CLMP: variants seen among roughly 807,000 people sequenced by gnomAD.
CLMP encodes CXADR like cell adhesion molecule, also known as CXADR-like membrane protein.
Under a neutral mutation model 45.2 loss-of-function variants are expected in CLMP, and 27 were observed. The observed-to-expected ratio is 0.60, with a 90% confidence interval of 0.44 to 0.82. The LOEUF (loss-of-function observed/expected upper bound fraction) is 0.82, where lower values mean the gene tolerates loss of function less well. CLMP is among the 40% of genes least tolerant of loss of function. The probability of loss-of-function intolerance (pLI) is 0.00; values close to 1 mark genes in which losing one functional copy is unlikely to be tolerated. For missense variants in CLMP, 403 were observed against 448.4 expected (o/e 0.90, Z 0.91); for synonymous variants, 167 against 171.4 (o/e 0.97, Z 0.20).
intron 1 of CLMP, among the ~76,000 whole-genome samples, chr11:123,169,422 C>T (rs1026376433): frequency 6.6e-6 from 1 of 152,116 alleles, no homozygotes; most frequent in Non-Finnish European, 1.5e-5. Context: ...GCAGAATCAC[C>T]GTGGGCTCCA....
chr11:123,095,918 A>G (rs7121616), intron 2 of CLMP, among the ~76,000 whole-genome samples: 61,544 of 151,998 alleles, frequency 0.4, 14,354 homozygotes, highest in African/African-American at 0.65. Context: ...AAAGACCGCA[A>G]GAACCTGCCT....
chr11:123,137,240 G>T (rs1208646224), intron 1 of CLMP, among the ~76,000 whole-genome samples: 4 of 131,824 alleles, frequency 3.0e-5, no homozygotes, highest in Admixed American at 1.8e-4. Context: ...TGCAAGCTCC[G>T]CCTCCCGGGT....
intron 1 of CLMP, among the ~76,000 whole-genome samples, chr11:123,118,281 C>T (rs909724127): frequency 1.3e-5 from 2 of 152,096 alleles, no homozygotes; most frequent in African/African-American, 4.8e-5. Flanking sequence ...AGGCATGCAC[C>T]ACCATGCCTG....
At chr11:123,108,905 C>G (rs111260380) in intron 1 of CLMP, among the ~76,000 whole-genome samples, 15,568 of 151,702 alleles carry the variant, frequency 0.1, 881 homozygotes, top group East Asian at 0.16. Context: ...ACTAAAAATA[C>G]AAAATTAGCA....
chr11:123,138,385 T>G (rs1344300173), intron 1 of CLMP, among the ~76,000 whole-genome samples: 1 of 152,142 alleles, frequency 6.6e-6, no homozygotes, highest in Admixed American at 6.6e-5. Flanking sequence ...GGTGCTTATG[T>G]GTATGTGTGT....
At chr11:123,119,836 G>A (rs144090539) in intron 1 of CLMP, among the ~76,000 whole-genome samples, 3,425 of 152,058 alleles carry the variant, frequency 0.023, 133 homozygotes, top group African/African-American at 0.077. Context: ...AGAGGCACAC[G>A]CCACCAAGCC....
intron 1 of CLMP, among the ~76,000 whole-genome samples, chr11:123,172,901 GT>G: frequency 6.6e-6 from 1 of 152,314 alleles, no homozygotes; most frequent in South Asian, 2.1e-4. Flanking sequence ...ACTTTTAAAT[GT>G]TTTTTAAAGA....
intron 1 of CLMP, among the ~76,000 whole-genome samples, chr11:123,118,923 C>T (rs1565387568): frequency 1.5e-5 from 2 of 132,128 alleles, no homozygotes; most frequent in African/African-American, 6.1e-5. Flanking sequence ...TTTGCATTTT[C>T]TTTTCTTTTC....
At position 123,106,437 on chromosome 11, in the gene CLMP, GCGCA is replaced by G. The variant is rs1319392076; in HGVS notation, c.29-8489_29-8486del. 5.1e-5 allele frequency among the ~76,000 whole-genome samples: 5 copies of G among 97,444 alleles called. No individual in the cohort carries two copies. The Admixed American group carries it at 5.9e-4, about 11-fold the overall frequency. The allele number at this position is 97,444 out of a possible 152,430, so 63.9% of individuals were successfully genotyped here. A position where few individuals can be genotyped will look rare whatever the true frequency, so the allele number is the denominator to read the frequency against. On this transcript the variant is annotated intron_variant, in intron 1 of 6. Transcript: ENST00000448775. ...TGTGTGTGTGTGTGCGCGCGCGCGC[GCGCA>G]CGTGCCTGCCTTCCAGATTGTTTAT...
At chr11:123,193,959 T>C (rs1033357542) in intron 1 of CLMP, among the ~76,000 whole-genome samples, 1 of 152,170 alleles carries the variant, frequency 6.6e-6, no homozygotes, top group Non-Finnish European at 1.5e-5. Flanking sequence ...TCCAGCTAAC[T>C]GTGGGGCCTG....
chr11:123,121,001 G>A (rs1017157360), intron 1 of CLMP, among the ~76,000 whole-genome samples: 3 of 151,724 alleles, frequency 2.0e-5, no homozygotes, highest in African/African-American at 7.3e-5. Context: ...TGTGGCAGGA[G>A]CCTGTAGTCC....
chr11:123,192,780 A>G (rs1861926150), intron 1 of CLMP, among the ~76,000 whole-genome samples: 1 of 152,138 alleles, frequency 6.6e-6, no homozygotes, highest in East Asian at 1.9e-4. Context: ...CCTGTTTGAT[A>G]CTGTGCAATC....
chr11:123,129,569 TTATATAATATATATTGTAATTATATAG>T (rs951218346), intron 1 of CLMP, among the ~76,000 whole-genome samples: 4 of 139,720 alleles, frequency 2.9e-5, no homozygotes, highest in Non-Finnish European at 6.1e-5. Context: ...TATTATATAA[TTATATAATATATATTGTAATTATATAG>T]TATATAATAT....
intron 1 of CLMP, among the ~76,000 whole-genome samples, chr11:123,119,401 A>G (rs1860781127): frequency 6.6e-6 from 1 of 152,068 alleles, no homozygotes; most frequent in African/African-American, 2.4e-5. Context: ...CGTTTTCATC[A>G]GAGCATCAAA....
intron 1 of CLMP, among the ~76,000 whole-genome samples, chr11:123,191,132 G>T (rs1192412837): frequency 6.6e-6 from 1 of 152,104 alleles, no homozygotes; most frequent in Non-Finnish European, 1.5e-5. Context: ...TTCTACAAAG[G>T]GTCTGGGACT....
At chr11:123,141,741 A>G (rs1185191180) in intron 1 of CLMP, among the ~76,000 whole-genome samples, 1 of 152,106 alleles carries the variant, frequency 6.6e-6, no homozygotes, top group African/African-American at 2.4e-5. Context: ...ACTTAACGAT[A>G]TAAACTTAAT....
At chr11:123,096,842 G>A (rs1163991044) in intron 2 of CLMP, among the ~76,000 whole-genome samples, 4 of 151,982 alleles carry the variant, frequency 2.6e-5, no homozygotes, top group Admixed American at 6.6e-5. Flanking sequence ...ACAGTGTCTG[G>A]GTCTGTTGCC....
At chr11:123,105,265 C>A (rs1046397775) in intron 1 of CLMP, among the ~76,000 whole-genome samples, 1 of 152,180 alleles carries the variant, frequency 6.6e-6, no homozygotes, top group Non-Finnish European at 1.5e-5. Context: ...CTAGAAGGGA[C>A]TTTTTCTCAC....
chr11:123,112,338 C>CTTTTTCTT (rs1555080731), intron 1 of CLMP, among the ~76,000 whole-genome samples: 3 of 137,576 alleles, frequency 2.2e-5, no homozygotes, highest in Non-Finnish European at 3.1e-5. Flanking sequence ...TTTTCTTTTT[C>CTTTTTCTT]TTTTTTTTTT....
Sources: gnomAD v4.1 joint callset for allele counts (sites outside exome capture counted in the v4.1 genomes callset) on GRCh38, gnomAD v4.1.1 for gene constraint, MANE v1.5 for transcripts, NCBI Gene and HGNC (gene_info 2026-07-23, HGNC 2026-07-21) for gene names.